The following EFCAB6 variants were observed in gnomAD, a reference collection of about 807,000 sequenced individuals.
EFCAB6 encodes EF-hand calcium-binding domain-containing protein 6.
Under a neutral mutation model 169.8 loss-of-function variants are expected in EFCAB6, and 156 were observed. The observed-to-expected ratio is 0.92, with a 90% CI of 0.81 to 1.05. EFCAB6 has a LOEUF of 1.05. Among genes scored for constraint, EFCAB6 ranks in the 50% least tolerant of loss-of-function variants. The pLI, the probability that EFCAB6 is intolerant of heterozygous loss-of-function variation, is 0.00. For missense variants in EFCAB6, 1,800 were observed against 1,829.1 expected, an observed-to-expected ratio of 0.98 and a Z score of 0.29; for synonymous variants, 698 against 676.4, an observed-to-expected ratio of 1.03 and a Z score of -0.50.
At chr22:43,766,241 C>T (rs2061323500) in intron 4 of EFCAB6, among the ~76,000 whole-genome samples, 1 of 152,088 alleles carries the variant, frequency 6.6e-6, no homozygotes. Context: ...CCAGGCTGGC[C>T]AGGATGGTCT....
chr22:43,684,153 C>G (rs1378610908), intron 11 of EFCAB6, among the ~76,000 whole-genome samples: 1 of 152,120 alleles, frequency 6.6e-6, no homozygotes, highest in Admixed American at 6.5e-5. Context: ...AATAAAGGGA[C>G]CATGGACCAG....
intron 17 of EFCAB6, among the ~76,000 whole-genome samples, chr22:43,645,327 T>C (rs936174162): frequency 6.6e-6 from 1 of 152,246 alleles, no homozygotes; most frequent in Admixed American, 6.5e-5. Flanking sequence ...CATTTCTTAA[T>C]ACACTAGAAA....
At chr22:43,592,751 T>A (rs1386316318) in intron 23 of EFCAB6, among the ~76,000 whole-genome samples, 1 of 152,144 alleles carries the variant, frequency 6.6e-6, no homozygotes, top group Non-Finnish European at 1.5e-5. Flanking sequence ...GCCTCCCCAC[T>A]CTGGTGCTGC....
chr22:43,668,882 G>T lies in EFCAB6; in HGVS notation c.1804C>A (p.Leu602Ile). 2 of 1,599,520 alleles carry T rather than the reference G, an allele frequency of 1.3e-6. No homozygotes were observed. Among genetic ancestry groups the T allele is most frequent in the African/African-American group, 1.3e-5 (1 of 74,674 alleles). ...LQKDEQQQPD[L>I]SERTKLTEDK... is the part of the protein sequence containing the mutation. ...TTTGCTTAATTTTACCTCTCAGAAAGATCTGGCTGCTGCTGTTCATCTTTT... is the reference window on the plus strand; with the variant it reads ...TTTGCTTAATTTTACCTCTCAGAAATATCTGGCTGCTGCTGTTCATCTTTT... The change falls in exon 16 of 32, where the codon CTT becomes ATT. Residue 602 changes from leucine (L) to isoleucine (I), a missense_variant. Physicochemically the swap from Leu to Ile is conservative, Grantham distance 5 (BLOSUM62 2). Coordinates refer to ENST00000262726, the MANE Select transcript of EFCAB6 (RefSeq NM_022785.4).
rs1012589525 is a variant in EFCAB6, at chr22:43,528,847, G to A, written c.*6C>T. Reference sequence around the variant, plus strand: ...TGTCGTCCCGCTGGGCACACAGCAGGGGTGTCTACTGGAGGAATGCCCGGA... The same window carrying A: ...TGTCGTCCCGCTGGGCACACAGCAGAGGTGTCTACTGGAGGAATGCCCGGA... On this transcript the variant is annotated 3_prime_UTR_variant, in exon 32 of 32. Transcript: ENST00000262726. The A allele has an allele frequency of 6.2e-7, 1 of 1,600,422 alleles. No homozygotes were observed. Among genetic ancestry groups the A allele is most frequent in the African/African-American group, 1.3e-5 (1 of 74,874 alleles).
At chr22:43,689,516 T>G (rs1217321557) in intron 10 of EFCAB6, among the ~76,000 whole-genome samples, 1 of 152,210 alleles carries the variant, frequency 6.6e-6, no homozygotes, top group African/African-American at 2.4e-5. Flanking sequence ...GAGATGCATC[T>G]GCCTTCATCA....
chr22:43,795,819 AACACAC>A lies in EFCAB6; in HGVS notation c.-8+13170_-8+13175del, dbSNP rs140641457. 0.46 allele frequency among the ~76,000 whole-genome samples: 68,664 copies of A among 148,722 alleles called. 16,065 individuals are homozygous for A. Among genetic ancestry groups the A allele is most frequent in the Middle Eastern group, 0.57 (165 of 288 alleles). ...GCCATTCAGACAGCACTCGCCTCCCAACACACACACACACACACACACTACACACTC... is the reference window on the plus strand; with the variant it reads ...GCCATTCAGACAGCACTCGCCTCCCAACACACACACACACACTACACACTC... On this transcript the variant is annotated intron_variant, in intron 2 of 31. Coordinates refer to ENST00000262726, the MANE Select transcript of EFCAB6 (RefSeq NM_022785.4). This position sits in a 1 kb window ranked among gnomAD's most constrained non-coding sequence, Gnocchi z 4.2.
intron 26 of EFCAB6, among the ~76,000 whole-genome samples, chr22:43,556,327 C>T (rs1305405731): frequency 6.6e-6 from 1 of 152,158 alleles, no homozygotes; most frequent in Non-Finnish European, 1.5e-5. Context: ...ATCAACAGGG[C>T]AGCCCGTGGA....
At chr22:43,699,906 G>A (rs1188462725) in intron 10 of EFCAB6, among the ~76,000 whole-genome samples, 1 of 152,240 alleles carries the variant, frequency 6.6e-6, no homozygotes, top group Non-Finnish European at 1.5e-5. Context: ...ACAGGAGAAT[G>A]TGAGTGAAGA....
chr22:43,678,602 T>C (rs1468274654), intron 12 of EFCAB6, among the ~76,000 whole-genome samples: 1 of 152,136 alleles, frequency 6.6e-6, no homozygotes. Flanking sequence ...TAAGAATAAA[T>C]TATGAGTGTT....
At chr22:43,724,392 G>T (rs1332197084) in intron 8 of EFCAB6, among the ~76,000 whole-genome samples, 2 of 141,508 alleles carry the variant, frequency 1.4e-5, no homozygotes, top group African/African-American at 5.3e-5. Context: ...TTTTGAGAAG[G>T]AGTCTCGCTC....
intron 12 of EFCAB6, among the ~76,000 whole-genome samples, chr22:43,682,383 A>G (rs556002656): frequency 3.3e-5 from 5 of 152,304 alleles, no homozygotes; most frequent in Non-Finnish European, 7.4e-5. Context: ...ATAGCACAAC[A>G]ATGACTTTTA....
chr22:43,703,414 T>G (rs374076591), intron 10 of EFCAB6, among the ~76,000 whole-genome samples: 10 of 152,276 alleles, frequency 6.6e-5, no homozygotes, highest in Admixed American at 6.5e-5. Flanking sequence ...TCTTTTCAAA[T>G]GCATGGATAC....
chr22:43,574,699 G>A (rs529146570), intron 26 of EFCAB6, among the ~76,000 whole-genome samples: 7 of 151,624 alleles, frequency 4.6e-5, no homozygotes, highest in African/African-American at 1.5e-4. Context: ...TAAAACAAGA[G>A]CAAAGACAAG....
chr22:43,774,949 C>G (rs1017285247), intron 3 of EFCAB6, among the ~76,000 whole-genome samples: 1 of 152,146 alleles, frequency 6.6e-6, no homozygotes, highest in Admixed American at 6.5e-5. Context: ...TCACCTTCCC[C>G]CTGGTACCAC....
At chr22:43,637,375 T>G (rs1435882341) in intron 17 of EFCAB6, among the ~76,000 whole-genome samples, 1 of 152,238 alleles carries the variant, frequency 6.6e-6, no homozygotes, top group Non-Finnish European at 1.5e-5. Context: ...TTTTTGGTAT[T>G]CGGGAAGAGG....
Position 43,716,723 on chromosome 22 carries a change from T to C in EFCAB6, c.882+125A>G, listed in dbSNP as rs141738085. The C allele has an allele frequency of 1.1e-3, 1,355 of 1,182,716 alleles. 3 individuals carry two copies. The highest frequency in any genetic ancestry group is 1.5e-3 in the Non-Finnish European group (1,296 of 881,896). 73.3% of individuals were successfully genotyped at this position (1,182,716 alleles called of 1,614,324 possible). A position where few individuals can be genotyped will look rare whatever the true frequency, so the allele number is the denominator to read the frequency against. ...TTGGGAGGTAGAGGGGGTCTCAGTATTGGAGAAGACATAGGTAGGATCGAA... is the reference window on the plus strand; with the variant it reads ...TTGGGAGGTAGAGGGGGTCTCAGTACTGGAGAAGACATAGGTAGGATCGAA... On this transcript the variant is annotated intron_variant, in intron 9 of 31. Coordinates refer to ENST00000262726, the MANE Select transcript of EFCAB6 (RefSeq NM_022785.4).
chr22:43,723,783 G>T (rs376042624), intron 8 of EFCAB6, among the ~76,000 whole-genome samples: 1 of 152,204 alleles, frequency 6.6e-6, no homozygotes, highest in Non-Finnish European at 1.5e-5. Context: ...TTTACAGCTT[G>T]TACTTTTCAG....
chr22:43,583,357 T>C (rs2147332942), intron 24 of EFCAB6, among the ~76,000 whole-genome samples: 1 of 151,696 alleles, frequency 6.6e-6, no homozygotes, highest in South Asian at 2.1e-4. Flanking sequence ...TCCATTGTAA[T>C]AATCTTCCTC....
Sources: allele counts gnomAD v4.1 joint callset (sites outside exome capture counted in the v4.1 genomes callset), GRCh38; gene constraint gnomAD v4.1.1; non-coding constraint Gnocchi (gnomAD v3.1); transcripts MANE v1.5; gene names NCBI Gene and HGNC (gene_info 2026-07-23, HGNC 2026-07-21).